The following CNN1 variants were observed in gnomAD, a reference collection of about 807,000 sequenced individuals.
CNN1 encodes the protein calponin-1.
CNN1 carries 21 observed loss-of-function variants against 35.3 expected under a neutral mutation model. The ratio of observed to expected loss-of-function variants is 0.60; its 90% CI spans 0.42 to 0.86. CNN1 has a LOEUF of 0.86. Ranked by LOEUF, CNN1 falls within the 40% of genes least tolerant of loss-of-function variation. The pLI is 0.00. For missense variants in CNN1, 314 were observed against 400.8 expected, an observed-to-expected ratio of 0.78 and a Z score of 1.85; for synonymous variants, 164 against 161.8, an observed-to-expected ratio of 1.01 and a Z score of -0.10.
At chr19:11,545,567 C>T (rs1223374645) in intron 2 of CNN1, among the ~76,000 whole-genome samples, 1 of 151,758 alleles carries the variant, frequency 6.6e-6, no homozygotes, top group African/African-American at 2.4e-5. Flanking sequence ...TTGAGACACC[C>T]AGGCACCCAT....
chr19:11,539,187 TG>T (rs911290016), intron 1 of CNN1, 197 bp downstream of exon 1: 18 of 1,208,660 alleles, frequency 1.5e-5, no homozygotes, highest in South Asian at 4.6e-5. Context: ...GGGGCTGGAA[TG>T]GGGGGGCACA....
rs1000760828 is a variant in CNN1, at chr19:11,544,668, T to G, written c.186-2007T>G. Among the ~76,000 whole-genome samples the G allele has an allele frequency of 1.1e-4, 16 of 147,602 alleles. No individual in the cohort carries two copies. The East Asian group carries it at 2.9e-3, about 27-fold the overall frequency. On this transcript the variant is annotated intron_variant, in intron 2 of 6. Transcript: ENST00000252456. ...CGCCCGGTGAAGTTTTCGGGTTTTT[T>G]TTTTTTTTTTTTTTGTAGAGACACG...
chr19:11,546,720 G>A lies in CNN1; in HGVS notation c.231G>A (p.Glu77=), dbSNP rs1488812368. ...CAGGCTCCGTGAAGAAGATCAATGA[G>A]TCAACCCAAAATTGGCACCAGGTGA... ...LQPGSVKKIN[E]STQNWHQLEN... Residue 77 remains glutamate, a synonymous_variant, in exon 3 of 7, where the codon GAG becomes GAA. Transcript: ENST00000252456. 1.2e-6 allele frequency: 2 copies of A among 1,614,152 alleles called. No homozygotes were observed. Among genetic ancestry groups the A allele is most frequent in the Non-Finnish European group, 1.7e-6 (2 of 1,180,044 alleles).
intron 1 of CNN1, chr19:11,540,563 C>T (rs1972438503): frequency 6.5e-6 from 1 of 153,436 alleles, no homozygotes; most frequent in South Asian, 2.0e-4. Flanking sequence ...CCACCACTAA[C>T]CAGAGACAGA....
At chr19:11,545,564 A>C (rs899466071) in intron 2 of CNN1, among the ~76,000 whole-genome samples, 1 of 151,708 alleles carries the variant, frequency 6.6e-6, no homozygotes, top group Admixed American at 6.6e-5. Context: ...GATTTGAGAC[A>C]CCCAGGCACC....
rs1479342503 is a variant in CNN1 at position 11,549,694 on chromosome 19, C to A, written c.793C>A (p.Arg265Ser). The change falls in exon 7 of 7, where the codon CGC becomes AGC. Residue 265 changes from arginine to serine, a missense_variant. Transcript: ENST00000252456. The surrounding 1 kb of genome is among the most constrained non-coding windows in gnomAD (Gnocchi z 5.2). ...QRGMTVYGLP[R>S]QVYDPKYCLT... Reference sequence around the variant, plus strand: ...GGGCATGACGGTGTATGGGCTGCCACGCCAGGTCTACGACCCCAAGTACTG... The same window carrying A: ...GGGCATGACGGTGTATGGGCTGCCAAGCCAGGTCTACGACCCCAAGTACTG... The A allele has an allele frequency of 1.2e-6, 2 of 1,614,248 alleles. No homozygotes were observed.
chr19:11,541,586 C>T (rs1292975383), intron 2 of CNN1, among the ~76,000 whole-genome samples: 1 of 151,980 alleles, frequency 6.6e-6, no homozygotes, highest in Non-Finnish European at 1.5e-5. Flanking sequence ...GGTTTTCTTT[C>T]TGTTTTCTTT....
Position 11,549,650 on chromosome 19 carries a change from A to G in CNN1, c.749A>G (p.Asn250Ser), listed in dbSNP as rs748079016. 6.2e-7 allele frequency: 1 copy of G among 1,613,922 alleles called. No individual in the cohort carries two copies. Among genetic ancestry groups the G allele is most frequent in the South Asian group, 1.1e-5 (1 of 91,044 alleles). Residue 250 changes from asparagine to serine, a missense_variant, in exon 7 of 7, where the codon AAC (asparagine) becomes AGC (serine). By Grantham distance (46) the Asn-to-Ser change is conservative (BLOSUM62 1). Coordinates refer to ENST00000252456, the MANE Select transcript of CNN1 (RefSeq NM_001299.6). The surrounding 1 kb of genome is among the most constrained non-coding windows in gnomAD (Gnocchi z 5.2). The part of the protein sequence containing the change: ...TLNVSLQMGS[N>S]KGASQRGMTV... ...AATGTCAGCCTGCAGATGGGCAGCAACAAGGGCGCCTCGCAGCGGGGCATG... is the reference window on the plus strand; with the variant it reads ...AATGTCAGCCTGCAGATGGGCAGCAGCAAGGGCGCCTCGCAGCGGGGCATG...
At chr19:11,539,169 C>G in intron 1 of CNN1, 179 bp downstream of exon 1, 1 of 1,161,098 alleles carries the variant, frequency 8.6e-7, no homozygotes. Flanking sequence ...GAGCCCCCAG[C>G]TATGGTTGGG....
At position 11,543,858 on chromosome 19, in the gene CNN1, T is replaced by C. The variant is rs1054361348; in HGVS notation, c.185+2661T>C. Among the ~76,000 whole-genome samples, 6 of 149,856 alleles carry C rather than the reference T, an allele frequency of 4.0e-5. No individual in the cohort carries two copies. The South Asian group carries it at 1.1e-3, about 26-fold the overall frequency. On this transcript the variant is annotated intron_variant, in intron 2 of 6. Coordinates refer to ENST00000252456, the MANE Select transcript of CNN1 (RefSeq NM_001299.6). The stretch of plus-strand genomic sequence containing the variant: ...GCAGCAAACCAAAATGGCACATGTA[T>C]ACCTATGTATCAAACCTGCACATAG...
At chr19:11,548,048 A>T in intron 5 of CNN1, 141 bp downstream of exon 5, 1 of 542,248 alleles carries the variant, frequency 1.8e-6, no homozygotes, top group South Asian at 2.8e-5. Context: ...CCATTCACAA[A>T]CTCACTCACT....
chr19:11,546,661 C>T lies in CNN1; in HGVS notation c.186-14C>T. 6.2e-7 allele frequency: 1 copy of T among 1,614,146 alleles called. No individual in the cohort carries two copies. On this transcript the variant is annotated splice_polypyrimidine_tract_variant and intron_variant, in intron 2 of 6. Coordinates refer to ENST00000252456, the MANE Select transcript of CNN1 (RefSeq NM_001299.6). The stretch of plus-strand genomic sequence containing the variant: ...GGGGGGACACCTTTCTTACCCCTTC[C>T]CCACTCTTCTCAGATTCATCAATAA...
At chr19:11,542,249 G>C (rs1972482460) in intron 2 of CNN1, 1 of 151,810 alleles carries the variant, frequency 6.6e-6, no homozygotes, top group Non-Finnish European at 1.5e-5. Context: ...CTGGAGTGCA[G>C]TGACATGATC....
intron 4 of CNN1, among the ~76,000 whole-genome samples, chr19:11,547,312 G>T (rs539631976): frequency 2.0e-5 from 3 of 151,792 alleles, no homozygotes; most frequent in African/African-American, 7.2e-5. Flanking sequence ...CAGGAGAATC[G>T]CTTGAACCCG....
rs757596223 is a variant in CNN1, at chr19:11,541,116, G to A, written c.104G>A (p.Arg35Lys). 4.5e-5 allele frequency: 72 copies of A among 1,611,430 alleles called. No homozygotes were observed. The highest frequency in any genetic ancestry group is 5.9e-5 in the Non-Finnish European group (70 of 1,178,696). Residue 35 changes from arginine to lysine, a missense_variant, in exon 2 of 7, where the codon AGA (arginine) becomes AAA (lysine). By Grantham distance (26) the Arg-to-Lys change is conservative (BLOSUM62 2). Coordinates refer to ENST00000252456, the MANE Select transcript of CNN1 (RefSeq NM_001299.6). ...KYDHQREQELREWIEGVTGRR... is the reference protein window; with the variant it reads ...KYDHQREQELKEWIEGVTGRR... ...GACCACCAGCGGGAGCAGGAGCTGA[G>A]AGAGTGGATCGAGGGGGTGACAGGC...
chr19:11,538,873 CCT>C lies in CNN1; in HGVS notation c.-52_-51del. On this transcript the variant is annotated 5_prime_UTR_variant, in exon 1 of 7. Coordinates refer to ENST00000252456, the MANE Select transcript of CNN1 (RefSeq NM_001299.6). ...TGTGCAGACGGAACTTCAGCCGCTG[CCT>C]CTGTTCTCAGCGTCAGTGCCGCCAC... is the stretch of plus-strand genomic sequence containing the variant. 7.0e-7 allele frequency: 1 copy of C among 1,427,900 alleles called. No individual in the cohort carries two copies. Among genetic ancestry groups the C allele is most frequent in the South Asian group, 1.4e-5 (1 of 69,336 alleles). 88.5% of individuals were successfully genotyped at this position (1,427,900 alleles called of 1,614,324 possible). A position where few individuals can be genotyped will look rare whatever the true frequency, so the allele number is the denominator to read the frequency against.
At chr19:11,539,419 C>T (rs1972409462) in intron 1 of CNN1, 2 of 1,069,474 alleles carry the variant, frequency 1.9e-6, no homozygotes, top group Non-Finnish European at 2.3e-6. Context: ...CAGAGGGGGA[C>T]GGTGAAAGGC....
chr19:11,549,201 T>A lies in CNN1; in HGVS notation c.502-122T>A, dbSNP rs971364234. 1,627 of 1,052,248 alleles carry A rather than the reference T, an allele frequency of 1.5e-3. 7 individuals carry two copies. Among genetic ancestry groups the A allele is most frequent in the South Asian group, 5.3e-3 (229 of 43,132 alleles). The allele number at this position is 1,052,248 out of a possible 1,614,324, so 65.2% of individuals were successfully genotyped here. A position where few individuals can be genotyped will look rare whatever the true frequency, so the allele number is the denominator to read the frequency against. On this transcript the variant is annotated intron_variant, in intron 5 of 6. Coordinates refer to ENST00000252456, the MANE Select transcript of CNN1 (RefSeq NM_001299.6). The surrounding 1 kb of genome is among the most constrained non-coding windows in gnomAD (Gnocchi z 5.2). ...AGACTCCGTCTCAAAAAAAAATAAATAAAATAAAATAAAAATTGAAAAAAA... is the reference window on the plus strand; with the variant it reads ...AGACTCCGTCTCAAAAAAAAATAAAAAAAATAAAATAAAAATTGAAAAAAA...
At chr19:11,541,029 G>A (rs757426463) in intron 1 of CNN1, 47 bp from the exon 2 acceptor site, 14 of 1,540,508 alleles carry the variant, frequency 9.1e-6, no homozygotes, top group East Asian at 2.5e-5. Flanking sequence ...TGCCCCCAAT[G>A]CATCCTCACC....
Sources: gnomAD v4.1 joint callset for allele counts (sites outside exome capture counted in the v4.1 genomes callset) on GRCh38, gnomAD v4.1.1 for gene constraint, Gnocchi (gnomAD v3.1) non-coding constraint, MANE v1.5 for transcripts, NCBI Gene and HGNC (gene_info 2026-07-23, HGNC 2026-07-21) for gene names.